Variants in LPP observed in about 807,000 individuals in gnomAD.
LPP encodes LIM domain containing preferred translocation partner in lipoma, also known as lipoma-preferred partner.
A neutral mutation model predicts 60.4 loss-of-function variants in LPP; 38 were observed. That is an observed-to-expected ratio of 0.63 (90% CI 0.49 to 0.83). The LOEUF is 0.83. LPP is among the 40% of genes least tolerant of loss of function. The pLI is 0.00. For synonymous variants in LPP, 328 were observed against 290.8 expected (o/e 1.13, Z -1.30); for missense variants, 902 against 783.6 (o/e 1.15, Z -1.80).
At chr3:188,646,224 T>C (rs1851076941) in intron 7 of LPP, among the ~76,000 whole-genome samples, 1 of 152,178 alleles carries the variant, frequency 6.6e-6, no homozygotes, top group East Asian at 1.9e-4. Flanking sequence ...TGTTTTCTTC[T>C]TTTTCCTTCA....
At chr3:188,389,791 A>AAG (rs1430786469) in intron 3 of LPP, among the ~76,000 whole-genome samples, 4 of 145,100 alleles carry the variant, frequency 2.8e-5, no homozygotes, top group Non-Finnish European at 6.0e-5. Context: ...AAAAAAAAAA[A>AAG]AAATGGGACT....
At chr3:188,455,186 A>C (rs1168213831) in intron 4 of LPP, among the ~76,000 whole-genome samples, 1 of 152,118 alleles carries the variant, frequency 6.6e-6, no homozygotes, top group Non-Finnish European at 1.5e-5. Context: ...TACAGAGAAA[A>C]AATTTTTAGC....
intron 7 of LPP, among the ~76,000 whole-genome samples, chr3:188,700,216 T>C (rs1165667105): frequency 2.0e-5 from 3 of 152,204 alleles, no homozygotes; most frequent in African/African-American, 7.2e-5. Context: ...TCCCGGTGTT[T>C]TATCCGCCTG....
chr3:188,754,534 A>G (rs34631447), intron 8 of LPP, among the ~76,000 whole-genome samples: 73,182 of 151,908 alleles, frequency 0.48, 18,416 homozygotes, highest in East Asian at 0.83. Context: ...AGGCACCCCC[A>G]GAACACTGAG....
intron 7 of LPP, among the ~76,000 whole-genome samples, chr3:188,707,074 A>G (rs971578924): frequency 6.6e-6 from 1 of 151,990 alleles, no homozygotes; most frequent in Non-Finnish European, 1.5e-5. Flanking sequence ...TTTATTCTTC[A>G]TTGATGATCT....
intron 6 of LPP, among the ~76,000 whole-genome samples, chr3:188,529,067 A>G (rs1346160): frequency 0.36 from 54,631 of 152,062 alleles, 10,349 homozygotes; most frequent in African/African-American, 0.44. Flanking sequence ...ATGATTTAAC[A>G]AAGCAAGAGT....
chr3:188,221,783 A>G (rs1715882903), intron 1 of LPP, among the ~76,000 whole-genome samples: 1 of 152,302 alleles, frequency 6.6e-6, no homozygotes, highest in South Asian at 2.1e-4. Context: ...GTGAACTTTT[A>G]AAAAAATAGT....
At chr3:188,199,531 G>A (rs1730468107) in intron 1 of LPP, among the ~76,000 whole-genome samples, 1 of 152,026 alleles carries the variant, frequency 6.6e-6, no homozygotes, top group Non-Finnish European at 1.5e-5. Flanking sequence ...AGTATTCACT[G>A]GCAAATCAGG....
chr3:188,318,347 G>A (rs937450708), intron 2 of LPP, among the ~76,000 whole-genome samples: 6 of 150,866 alleles, frequency 4.0e-5, no homozygotes, highest in Admixed American at 3.3e-4. Context: ...GCTCCATGAC[G>A]TGGTTTCTAT....
chr3:188,256,837 C>T (rs970277651), intron 2 of LPP, among the ~76,000 whole-genome samples: 1 of 152,186 alleles, frequency 6.6e-6, no homozygotes, highest in Non-Finnish European at 1.5e-5. Context: ...ATCAGTGGCT[C>T]TTCATACATT....
chr3:188,167,558 C>T (rs577325762), intron 1 of LPP, among the ~76,000 whole-genome samples: 7 of 138,528 alleles, frequency 5.1e-5, no homozygotes, highest in Admixed American at 1.5e-4. Flanking sequence ...CCATGCAGTG[C>T]CACTGAAAAA....
At chr3:188,608,632 A>G (rs1477657372) in intron 6 of LPP, among the ~76,000 whole-genome samples, 2 of 152,214 alleles carry the variant, frequency 1.3e-5, no homozygotes, top group Non-Finnish European at 2.9e-5. Flanking sequence ...CTTGGCTTCA[A>G]GATTGATAAG....
chr3:188,682,770 G>T (rs566560073), intron 7 of LPP, among the ~76,000 whole-genome samples: 1 of 152,092 alleles, frequency 6.6e-6, no homozygotes, highest in African/African-American at 2.4e-5. Context: ...TTACTGAAAC[G>T]GAAGCCAGGC....
intron 4 of LPP, among the ~76,000 whole-genome samples, chr3:188,457,509 A>G (rs528074784): frequency 1.3e-5 from 2 of 152,080 alleles, no homozygotes; most frequent in African/African-American, 4.8e-5. Context: ...CTTCACTATC[A>G]TTGGTCTAAG....
rs1232780741 is a variant in LPP, at chr3:188,509,703, CT to C, written c.307-14949del. 4.6e-4 allele frequency among the ~76,000 whole-genome samples: 43 copies of C among 93,314 alleles called. 7 individuals carry two copies. Among genetic ancestry groups the C allele is most frequent in the East Asian group, 1.2e-3 (4 of 3,276 alleles). The allele number at this position is 93,314 out of a possible 152,430, so 61.2% of individuals were successfully genotyped here. A position where few individuals can be genotyped will look rare whatever the true frequency, so the allele number is the denominator to read the frequency against. On this transcript the variant is annotated intron_variant, in intron 5 of 11. Transcript: ENST00000617246. ...CTTCCTTCCTCTCTCTCTCTCTTTT[CT>C]TTTTTTTTTTTTGAGTCTCACTCTG...
chr3:188,713,606 T>TAG (rs928915034), intron 8 of LPP, among the ~76,000 whole-genome samples: 3 of 151,532 alleles, frequency 2.0e-5, no homozygotes, highest in South Asian at 2.1e-4. Context: ...GTGACAGAAA[T>TAG]AGAGAGAGAG....
At chr3:188,257,803 A>G (rs1732169484) in intron 2 of LPP, among the ~76,000 whole-genome samples, 1 of 152,232 alleles carries the variant, frequency 6.6e-6, no homozygotes, top group South Asian at 2.1e-4. Flanking sequence ...CCCACTTTGC[A>G]AATAAGGAAC....
intron 7 of LPP, among the ~76,000 whole-genome samples, chr3:188,665,441 AT>A (rs1855549987): frequency 6.9e-6 from 1 of 144,436 alleles, no homozygotes; most frequent in African/African-American, 2.6e-5. Flanking sequence ...GAGCAAACAT[AT>A]TCCTTCTTCT....
At chr3:188,354,067 G>T (rs1766777298) in intron 3 of LPP, among the ~76,000 whole-genome samples, 1 of 151,694 alleles carries the variant, frequency 6.6e-6, no homozygotes, top group South Asian at 2.1e-4. Context: ...CTCAATATTT[G>T]CCATATTCAT....
Sources: allele counts gnomAD v4.1 joint callset (sites outside exome capture counted in the v4.1 genomes callset), GRCh38; gene constraint gnomAD v4.1.1; transcripts MANE v1.5; gene names NCBI Gene and HGNC (gene_info 2026-07-23, HGNC 2026-07-21).